CFAP43: variants seen among roughly 807,000 people sequenced by gnomAD.
CFAP43 encodes the protein cilia and flagella associated protein 43, also known as cilia- and flagella-associated protein 43.
Under a neutral mutation model 218.9 loss-of-function variants are expected in CFAP43, and 155 were observed. The observed-to-expected ratio is 0.71, with a 90% CI of 0.62 to 0.81. CFAP43 has a LOEUF of 0.81. Ranked by LOEUF, CFAP43 falls within the 30% of genes least tolerant of loss-of-function variation. The probability of loss-of-function intolerance (pLI) is 0.00; values close to 1 mark genes in which losing one functional copy is unlikely to be tolerated. For missense variants in CFAP43, 1,778 were observed against 1,954.3 expected, an observed-to-expected ratio of 0.91 and a Z score of 1.70; for synonymous variants, 645 against 681.3, an observed-to-expected ratio of 0.95 and a Z score of 0.83.
At chr10:104,169,108 G>A (rs894140074) in intron 20 of CFAP43, among the ~76,000 whole-genome samples, 6 of 152,288 alleles carry the variant, frequency 3.9e-5, no homozygotes, top group Non-Finnish European at 7.3e-5. Flanking sequence ...CTCTAAGGAT[G>A]GTCGGGTTGC....
At chr10:104,142,439 A>G (rs764058746) in intron 32 of CFAP43, 46 bp from the exon 33 acceptor site, 1 of 1,449,474 alleles carries the variant, frequency 6.9e-7, no homozygotes, top group Non-Finnish European at 9.6e-7. Context: ...TGGAGCTTCA[A>G]TTTTAGACAA....
intron 27 of CFAP43, among the ~76,000 whole-genome samples, chr10:104,158,256 CA>C (rs1471313333): frequency 6.6e-6 from 1 of 152,100 alleles, no homozygotes; most frequent in Non-Finnish European, 1.5e-5. Flanking sequence ...GAGTCAGATT[CA>C]AAATGTCACC....
rs184365946 is a variant in CFAP43 at position 104,213,519 on chromosome 10, A to T, written c.584+740T>A. On this transcript the variant is annotated intron_variant, in intron 4 of 37. Transcript: ENST00000357060. The stretch of plus-strand genomic sequence containing the variant: ...ACAACTACCCTTTTGCTTGCGGATA[A>T]TGTGTCTGAATGTATAATCTGCATA... 2.0e-4 allele frequency among the ~76,000 whole-genome samples: 31 copies of T among 152,122 alleles called. No individual in the cohort carries two copies. In the East Asian group the frequency reaches 5.4e-3, roughly 27 times the overall value.
At chr10:104,200,812 A>G (rs1281271702) in intron 8 of CFAP43, among the ~76,000 whole-genome samples, 1 of 152,102 alleles carries the variant, frequency 6.6e-6, no homozygotes, top group Non-Finnish European at 1.5e-5. Context: ...AGATTCAAGG[A>G]AACAGCATGA....
intron 20 of CFAP43, among the ~76,000 whole-genome samples, chr10:104,169,407 C>T (rs1166176836): frequency 1.3e-5 from 2 of 152,116 alleles, no homozygotes; most frequent in Non-Finnish European, 2.9e-5. Flanking sequence ...ATAAAAAGAA[C>T]CCTCTACTAC....
chr10:104,173,074 C>T (rs957092424), intron 19 of CFAP43, among the ~76,000 whole-genome samples: 1 of 152,050 alleles, frequency 6.6e-6, no homozygotes, highest in Non-Finnish European at 1.5e-5. Flanking sequence ...GCAAAGGATA[C>T]ACACTACAAC....
intron 8 of CFAP43, among the ~76,000 whole-genome samples, chr10:104,200,651 A>C (rs891388100): frequency 6.9e-6 from 1 of 145,242 alleles, no homozygotes; most frequent in Non-Finnish European, 1.5e-5. Context: ...AGCCTGGGTG[A>C]CAGAGCAAGA....
At chr10:104,203,935 T>C (rs1278284672) in intron 7 of CFAP43, 132 bp from the exon 8 acceptor site, 16 of 732,884 alleles carry the variant, frequency 2.2e-5, no homozygotes, top group Non-Finnish European at 3.2e-5. Context: ...TTTGCATAGA[T>C]GCACTGTCCT....
At chr10:104,145,675 A>C (rs2087930163) in intron 30 of CFAP43, 111 bp from the exon 31 acceptor site, 1 of 593,802 alleles carries the variant, frequency 1.7e-6, no homozygotes, top group East Asian at 2.8e-5. Flanking sequence ...AAAATGCATG[A>C]AACCTTGATT....
chr10:104,216,395 C>T (rs1268252777), intron 3 of CFAP43, among the ~76,000 whole-genome samples: 3 of 152,168 alleles, frequency 2.0e-5, no homozygotes, highest in African/African-American at 4.8e-5. Context: ...CCCTTGACCC[C>T]GTCTTCTGCC....
In CFAP43 at chr10:104,161,036, C is replaced by T. The variant is rs2088841749; in HGVS notation, c.3540+1G>A. On this transcript the variant is annotated splice_donor_variant, in intron 27 of 37. Transcript: ENST00000357060. LOFTEE classifies it high-confidence loss of function. ...TTATATTAATTATTTGCTCTTCTGA[C>T]CTTTCTATACTTATCTCTTTCTTCA... 1 of 1,603,052 alleles carries T rather than the reference C, an allele frequency of 6.2e-7. No individual in the cohort carries two copies. The highest frequency in any genetic ancestry group is 8.5e-7 in the Non-Finnish European group (1 of 1,171,990).
At chr10:104,177,655 G>T (rs147730254) in intron 19 of CFAP43, among the ~76,000 whole-genome samples, 94 of 152,308 alleles carry the variant, frequency 6.2e-4, no homozygotes, top group African/African-American at 2.2e-3. Context: ...GTCTTGGTTT[G>T]TACCAGCAAA....
chr10:104,191,297 T>C (rs1210051527), intron 12 of CFAP43, among the ~76,000 whole-genome samples: 1 of 151,210 alleles, frequency 6.6e-6, no homozygotes, highest in East Asian at 1.9e-4. Context: ...TTCATTGCCA[T>C]AGTCATCTTC....
intron 12 of CFAP43, among the ~76,000 whole-genome samples, chr10:104,189,635 A>G (rs2090141109): frequency 6.6e-6 from 1 of 152,018 alleles, no homozygotes; most frequent in South Asian, 2.1e-4. Context: ...TCCTCTGTCC[A>G]CAGCTTCAAT....
In CFAP43 at chr10:104,230,801, G is replaced by A. The variant is rs74154760; in HGVS notation, c.108C>T (p.Asn36=). The A allele has an allele frequency of 6.2e-4, 999 of 1,613,372 alleles. No homozygotes were observed. The highest frequency in any genetic ancestry group is 1.5e-3 in the African/African-American group (109 of 74,882). ...GFPKQNVHFV[N]DNTICYPCGN... ...CACAAGGGTAGCAAATGGTGTTGTC[G>A]TTGACAAAATGAACATTCTGCTTAG... is the stretch of plus-strand genomic sequence containing the variant. The change falls in exon 2 of 38, where the codon AAC becomes AAT. Residue 36 remains asparagine, a synonymous_variant. Coordinates refer to ENST00000357060, the MANE Select transcript of CFAP43 (RefSeq NM_025145.7).
At position 104,131,376 on chromosome 10, in the gene CFAP43, C is replaced by G. The variant is rs907748471; in HGVS notation, c.4786G>C (p.Glu1596Gln). 1 of 1,613,458 alleles carries G rather than the reference C, an allele frequency of 6.2e-7. No individual in the cohort carries two copies. Among genetic ancestry groups the G allele is most frequent in the African/African-American group, 1.3e-5 (1 of 74,866 alleles). ...NYALSCNLRE[E>Q]LVAVSERKDI... ...TTTCTCTCTGAGACAGCTACCAACT[C>G]TTCTCGTAGATTGCAGCTTAGGGCA... Residue 1596 changes from glutamate (E) to glutamine (Q), a missense_variant, in exon 37 of 38, where the codon GAG (glutamate) becomes CAG (glutamine). Coordinates refer to ENST00000357060, the MANE Select transcript of CFAP43 (RefSeq NM_025145.7).
At chr10:104,221,891 G>A (rs528610592) in intron 3 of CFAP43, among the ~76,000 whole-genome samples, 1 of 152,256 alleles carries the variant, frequency 6.6e-6, no homozygotes, top group South Asian at 2.1e-4. Flanking sequence ...CCTCTCTGAT[G>A]AAACTGCTGG....
chr10:104,183,092 T>G (rs1021572342), intron 16 of CFAP43, among the ~76,000 whole-genome samples: 1 of 152,198 alleles, frequency 6.6e-6, no homozygotes, highest in East Asian at 1.9e-4. Flanking sequence ...TAATCACATG[T>G]GGCCCCCTCA....
chr10:104,197,898 G>T, intron 9 of CFAP43, 24 bp downstream of exon 9: 2 of 1,458,404 alleles, frequency 1.4e-6, no homozygotes, highest in Non-Finnish European at 1.9e-6. Flanking sequence ...TAGTCCTACT[G>T]TGACACAGTA....
Sources: allele counts gnomAD v4.1 joint callset (sites outside exome capture counted in the v4.1 genomes callset), GRCh38; gene constraint gnomAD v4.1.1; transcripts MANE v1.5; gene names NCBI Gene and HGNC (gene_info 2026-07-23, HGNC 2026-07-21).